Variants in GTF2F2 observed in about 807,000 individuals in gnomAD.
GTF2F2 encodes general transcription factor IIF subunit 2, also known as ATP-dependent helicase GTF2F2.
In GTF2F2, 23 loss-of-function variants were observed where a neutral mutation model predicts 42.2. The ratio of observed to expected loss-of-function variants is 0.55; its 90% CI spans 0.39 to 0.77. GTF2F2 has a LOEUF of 0.77. GTF2F2 is among the 30% of genes least tolerant of loss of function. The probability of loss-of-function intolerance (pLI) is 0.00; values close to 1 mark genes in which losing one functional copy is unlikely to be tolerated. For missense variants in GTF2F2, 261 were observed against 287.2 expected (o/e 0.91, Z 0.66); for synonymous variants, 105 against 100.8 (o/e 1.04, Z -0.25).
At chr13:45,129,503 C>A (rs1018427522) in intron 1 of GTF2F2, among the ~76,000 whole-genome samples, 1 of 152,236 alleles carries the variant, frequency 6.6e-6, no homozygotes, top group Admixed American at 6.5e-5. Flanking sequence ...AGCCACCATG[C>A]CCAACCCTTC....
At chr13:45,146,232 A>G (rs1298454590) in intron 2 of GTF2F2, among the ~76,000 whole-genome samples, 2 of 152,116 alleles carry the variant, frequency 1.3e-5, no homozygotes, top group African/African-American at 2.4e-5. Flanking sequence ...GCGGTGGCTT[A>G]TATCTGTAAT....
intron 4 of GTF2F2, among the ~76,000 whole-genome samples, chr13:45,152,768 C>T (rs1352890391): frequency 2.0e-5 from 3 of 152,202 alleles, no homozygotes; most frequent in Non-Finnish European, 4.4e-5. Context: ...GTGGCACACA[C>T]TCAGCTTGAG....
At chr13:45,136,597 T>A in intron 1 of GTF2F2, 136 bp from the exon 2 acceptor site, 1 of 561,520 alleles carries the variant, frequency 1.8e-6, no homozygotes. Context: ...TTTTATATAG[T>A]GTAAAACATA....
At chr13:45,267,512 T>A (rs1461206995) in intron 7 of GTF2F2, 136 bp downstream of exon 7, 3 of 582,550 alleles carry the variant, frequency 5.1e-6, no homozygotes, top group Non-Finnish European at 8.7e-6. Flanking sequence ...TCAGAAAAGA[T>A]GTCTTAATGC....
intron 4 of GTF2F2, among the ~76,000 whole-genome samples, chr13:45,188,989 G>T (rs990422582): frequency 1.6e-4 from 25 of 151,588 alleles, no homozygotes; most frequent in Non-Finnish European, 4.4e-5. Flanking sequence ...GTGCCATGTT[G>T]GTTTGCTACA....
chr13:45,254,104 TA>T (rs1449177045), intron 6 of GTF2F2, among the ~76,000 whole-genome samples: 1 of 149,810 alleles, frequency 6.7e-6, no homozygotes, highest in African/African-American at 2.5e-5. Flanking sequence ...GAAGAGTGAG[TA>T]CAGAACACCA....
chr13:45,171,021 T>G, intron 4 of GTF2F2, among the ~76,000 whole-genome samples: 1 of 151,594 alleles, frequency 6.6e-6, no homozygotes, highest in Non-Finnish European at 1.5e-5. Context: ...GCAACGTTGC[T>G]TGCATGAGGT....
At chr13:45,221,788 C>T (rs746591788) in intron 5 of GTF2F2, among the ~76,000 whole-genome samples, 5 of 152,090 alleles carry the variant, frequency 3.3e-5, no homozygotes, top group Admixed American at 6.5e-5. Context: ...TTGATCTGAT[C>T]CTGAAGCTTT....
At chr13:45,272,950 G>A (rs568135378) in intron 7 of GTF2F2, among the ~76,000 whole-genome samples, 7 of 115,106 alleles carry the variant, frequency 6.1e-5, no homozygotes, top group African/African-American at 1.9e-4. Flanking sequence ...TTTTTGAGAC[G>A]GAGTCTCACT....
chr13:45,150,233 C>G (rs1870418407), intron 3 of GTF2F2, among the ~76,000 whole-genome samples: 1 of 152,146 alleles, frequency 6.6e-6, no homozygotes, highest in African/African-American at 2.4e-5. Flanking sequence ...GTTTATAAGT[C>G]TGTTTAGTGT....
intron 4 of GTF2F2, among the ~76,000 whole-genome samples, chr13:45,168,751 T>G (rs1396357943): frequency 6.6e-6 from 1 of 152,052 alleles, no homozygotes; most frequent in African/African-American, 2.4e-5. Flanking sequence ...TAGCTGGAGC[T>G]GCAAGTGTGT....
At position 45,199,161 on chromosome 13, in the gene GTF2F2, T is replaced by C. The variant is rs570651603; in HGVS notation, c.305-8263T>C. Among the ~76,000 whole-genome samples the C allele has an allele frequency of 1.8e-4, 27 of 152,342 alleles. No homozygotes were observed. The East Asian group carries it at 4.2e-3, about 24-fold the overall frequency. On this transcript the variant is annotated intron_variant, in intron 4 of 7. Coordinates refer to ENST00000340473, the MANE Select transcript of GTF2F2 (RefSeq NM_004128.3). ...CTCTGGCCACAAGGTCGTGTGAACA[T>C]GTCATTGCAGTCCAAAGAATACAGC...
intron 2 of GTF2F2, 77 bp downstream of exon 2, chr13:45,136,883 A>G: frequency 1.2e-6 from 1 of 811,248 alleles, no homozygotes. Context: ...AAGTGATTAT[A>G]ATTTCTGATC....
intron 5 of GTF2F2, among the ~76,000 whole-genome samples, chr13:45,233,194 T>G (rs1217171012): frequency 6.6e-6 from 1 of 152,182 alleles, no homozygotes; most frequent in South Asian, 2.1e-4. Flanking sequence ...TATGCTATGA[T>G]TGTGCCTGCG....
rs551001910 is a variant in GTF2F2 at position 45,263,464 on chromosome 13, G to A, written c.487-3769G>A. 5.8e-3 allele frequency among the ~76,000 whole-genome samples: 885 copies of A among 152,090 alleles called. 9 individuals are homozygous for A. Among genetic ancestry groups the A allele is most frequent in the African/African-American group, 0.02 (826 of 41,482 alleles). On this transcript the variant is annotated intron_variant, in intron 6 of 7. Coordinates refer to ENST00000340473, the MANE Select transcript of GTF2F2 (RefSeq NM_004128.3). ...AGGATGGTCTTGATCTCCTGACCTC[G>A]TGATCTGCCCACCTCGGCCTCCCAA...
intron 4 of GTF2F2, among the ~76,000 whole-genome samples, chr13:45,171,902 G>A (rs1281901384): frequency 2.7e-5 from 4 of 150,798 alleles, no homozygotes; most frequent in African/African-American, 9.8e-5. Context: ...ATGTTTCCAG[G>A]GCTCATTCAT....
At chr13:45,144,317 A>G (rs1870082071) in intron 2 of GTF2F2, among the ~76,000 whole-genome samples, 1 of 152,136 alleles carries the variant, frequency 6.6e-6, no homozygotes, top group South Asian at 2.1e-4. Context: ...CCTTCTTTGT[A>G]CATCACCATC....
Position 45,231,468 on chromosome 13 carries a change from A to G in GTF2F2, c.387-21403A>G, listed in dbSNP as rs1281483890. ...TTGAAATATGTACAGAAATTCTCTCACTTCTATTCATCCTCTCAATGGAGA... is the reference window on the plus strand; with the variant it reads ...TTGAAATATGTACAGAAATTCTCTCGCTTCTATTCATCCTCTCAATGGAGA... On this transcript the variant is annotated intron_variant, in intron 5 of 7. Coordinates refer to ENST00000340473, the MANE Select transcript of GTF2F2 (RefSeq NM_004128.3). Among the ~76,000 whole-genome samples, 3 of 152,294 alleles carry G rather than the reference A, an allele frequency of 2.0e-5. No homozygotes were observed. In the East Asian group the frequency reaches 5.8e-4, roughly 29 times the overall value.
intron 4 of GTF2F2, among the ~76,000 whole-genome samples, chr13:45,190,703 TA>T (rs1037943135): frequency 6.6e-6 from 1 of 152,164 alleles, no homozygotes; most frequent in Non-Finnish European, 1.5e-5. Flanking sequence ...TTTATCACCC[TA>T]AAAGTAAGTA....
Sources: allele counts gnomAD v4.1 joint callset (sites outside exome capture counted in the v4.1 genomes callset), GRCh38; gene constraint gnomAD v4.1.1; transcripts MANE v1.5; gene names NCBI Gene and HGNC (gene_info 2026-07-23, HGNC 2026-07-21).